CAMKK1: variants seen among roughly 807,000 people sequenced by gnomAD.
CAMKK1 encodes calcium/calmodulin-dependent protein kinase kinase 1.
CAMKK1 carries 20 observed loss-of-function variants against 63.5 expected under a neutral mutation model. The observed-to-expected ratio is 0.32, with a 90% confidence interval of 0.22 to 0.46. The LOEUF (loss-of-function observed/expected upper bound fraction) is 0.46, where lower values mean the gene tolerates loss of function less well. CAMKK1 is among the 20% of genes least tolerant of loss of function. CAMKK1 has a pLI of 1.00. For synonymous variants in CAMKK1, 253 were observed against 269.0 expected (o/e 0.94, Z 0.58); for missense variants, 588 against 658.1 (o/e 0.89, Z 1.17).
chr17:3,880,432 G>T lies in CAMKK1; in HGVS notation c.710C>A (p.Pro237His). 6.2e-7 allele frequency: 1 copy of T among 1,613,278 alleles called. No homozygotes were observed. Residue 237 changes from proline (P) to histidine (H), a missense_variant and splice_region_variant, in exon 9 of 16, where the codon CCC becomes CAC. Around this residue, in one of 3 missense-constraint regions of CAMKK1, gnomAD observed 357 missense variants for 407.4 expected, o/e 0.88. Coordinates refer to ENST00000348335, the MANE Select transcript of CAMKK1 (RefSeq NM_032294.3). ...CTTGTCACAGGGCACTTCCATGACG[G>T]GCCTATGGAGAAGGATGCGGGGAGG... ...YLVFDLLRKG[P>H]VMEVPCDKPF...
Position 3,883,936 on chromosome 17 carries a change from C to T in CAMKK1, c.410G>A (p.Gly137Asp). 6.2e-7 allele frequency: 1 copy of T among 1,613,658 alleles called. No individual in the cohort carries two copies. Among genetic ancestry groups the T allele is most frequent in the Non-Finnish European group, 8.5e-7 (1 of 1,179,926 alleles). The change falls in exon 4 of 16, where the codon GGT becomes GAT. Residue 137 changes from glycine to aspartate, a missense_variant and splice_region_variant. By Grantham distance (94) the Gly-to-Asp change is moderately conservative. This residue lies in a region of CAMKK1 where 357 missense variants were observed against 407.4 expected (regional missense o/e 0.88). Transcript: ENST00000348335. This position sits in a 1 kb window ranked among gnomAD's most constrained non-coding sequence, Gnocchi z 4.7. ...GGCCAGCCTCACCACACCGTAGGCA[C>T]CCTGCAGATAGGCATCAGTCAGCCC... is the stretch of plus-strand genomic sequence containing the variant. ...QYKLQSEIGK[G>D]AYGVVRLAYN...
In CAMKK1 at chr17:3,883,367, C is replaced by T. The variant is rs752316483; in HGVS notation, c.514+62G>A. Reference sequence around the variant, plus strand: ...TTCCTAGCCAAAACTAGCTCAGGATCGAGGTCTCCTCCTCTGCCTCCAGGC... The same window carrying T: ...TTCCTAGCCAAAACTAGCTCAGGATTGAGGTCTCCTCCTCTGCCTCCAGGC... On this transcript the variant is annotated intron_variant, in intron 5 of 15. Coordinates refer to ENST00000348335, the MANE Select transcript of CAMKK1 (RefSeq NM_032294.3). This position sits in a 1 kb window ranked among gnomAD's most constrained non-coding sequence, Gnocchi z 4.7. 9.1e-6 allele frequency: 14 copies of T among 1,539,050 alleles called. No homozygotes were observed. The African/African-American group carries it at 9.5e-5, about 10-fold the overall frequency.
In CAMKK1 at chr17:3,890,007, A is replaced by G. The variant is rs1393527238; in HGVS notation, c.-44+2932T>C. On this transcript the variant is annotated intron_variant, in intron 1 of 15. Coordinates refer to ENST00000348335, the MANE Select transcript of CAMKK1 (RefSeq NM_032294.3). This position sits in a 1 kb window ranked among gnomAD's most constrained non-coding sequence, Gnocchi z 6.5. Reference sequence around the variant, plus strand: ...GCCAAGCCGAGGCAGGGGACCAGCTACATCCAGGCGAGGGGATGGACAGCC... The same window carrying G: ...GCCAAGCCGAGGCAGGGGACCAGCTGCATCCAGGCGAGGGGATGGACAGCC... 1.3e-5 allele frequency among the ~76,000 whole-genome samples: 2 copies of G among 152,230 alleles called. No homozygotes were observed. Among genetic ancestry groups the G allele is most frequent in the South Asian group, 2.1e-4 (1 of 4,836 alleles).
rs373934272 is a variant in CAMKK1, at chr17:3,887,917, G to T, written c.-43-2187C>A. 1.9e-3 allele frequency among the ~76,000 whole-genome samples: 286 copies of T among 152,244 alleles called. No individual in the cohort carries two copies. Among genetic ancestry groups the T allele is most frequent in the Non-Finnish European group, 3.3e-3 (227 of 67,996 alleles). ...CCTTGTTTTTCCCTCCCGAATGTAA[G>T]TTTCATGAGATTAGGACGCTCATCT... On this transcript the variant is annotated intron_variant, in intron 1 of 15. Transcript: ENST00000348335. The surrounding 1 kb of genome is among the most constrained non-coding windows in gnomAD (Gnocchi z 6.1).
At position 3,892,718 on chromosome 17, in the gene CAMKK1, G is replaced by A. The variant is rs1406178315; in HGVS notation, c.-44+221C>T. Among the ~76,000 whole-genome samples the A allele has an allele frequency of 6.6e-6, 1 of 152,164 alleles. No individual in the cohort carries two copies. Among genetic ancestry groups the A allele is most frequent in the Non-Finnish European group, 1.5e-5 (1 of 68,012 alleles). ...GACGGCGGGGCACCCGCGGCGATGC[G>A]GTCCCGGCGGCCGGCGCAGACCCGA... is the stretch of plus-strand genomic sequence containing the variant. On this transcript the variant is annotated intron_variant, in intron 1 of 15. Coordinates refer to ENST00000348335, the MANE Select transcript of CAMKK1 (RefSeq NM_032294.3). This position sits in a 1 kb window ranked among gnomAD's most constrained non-coding sequence, Gnocchi z 7.5.
At position 3,890,539 on chromosome 17, in the gene CAMKK1, T is replaced by C. The variant is rs1462379149; in HGVS notation, c.-44+2400A>G. ...AGGCCCCAGATTCAACTCAGCATCT[T>C]CCCCAAACCTGCTCGTCCTCCTCTG... is the stretch of plus-strand genomic sequence containing the variant. On this transcript the variant is annotated intron_variant, in intron 1 of 15. Transcript: ENST00000348335. The surrounding 1 kb of genome is among the most constrained non-coding windows in gnomAD (Gnocchi z 6.5). 6.6e-6 allele frequency among the ~76,000 whole-genome samples: 1 copy of C among 152,030 alleles called. No homozygotes were observed. The highest frequency in any genetic ancestry group is 6.6e-5 in the Admixed American group (1 of 15,262).
Position 3,883,228 on chromosome 17 carries a change from G to A in CAMKK1, c.515-53C>T, listed in dbSNP as rs1009812914. On this transcript the variant is annotated intron_variant, in intron 5 of 15. Transcript: ENST00000348335. This position sits in a 1 kb window ranked among gnomAD's most constrained non-coding sequence, Gnocchi z 4.7. Reference sequence around the variant, plus strand: ...CTGTTCCAGGTGGCTGGGCCTCACCGTGGCCCCCAAACCAGTCTCAAGCAA... The same window carrying A: ...CTGTTCCAGGTGGCTGGGCCTCACCATGGCCCCCAAACCAGTCTCAAGCAA... The A allele has an allele frequency of 4.4e-5, 70 of 1,600,932 alleles. No individual in the cohort carries two copies. The highest frequency in any genetic ancestry group is 1.6e-4 in the African/African-American group (12 of 74,704).
At chr17:3,870,519 C>T (rs1264291356) in intron 12 of CAMKK1, among the ~76,000 whole-genome samples, 1 of 152,134 alleles carries the variant, frequency 6.6e-6, no homozygotes, top group Non-Finnish European at 1.5e-5. Context: ...GTGCCCGCCA[C>T]CGTGCCCGGC....
chr17:3,862,111 C>A lies in CAMKK1; in HGVS notation c.*100G>T. On this transcript the variant is annotated 3_prime_UTR_variant, in exon 16 of 16. Transcript: ENST00000348335. This position sits in a 1 kb window ranked among gnomAD's most constrained non-coding sequence, Gnocchi z 4.1. ...GAGGGGCGGGAGTGGGGCTGCAGTC[C>A]CCAGCCCCCTGCCTGCGGGGGCGGC... 1 of 966,832 alleles carries A rather than the reference C, an allele frequency of 1.0e-6. No homozygotes were observed. The highest frequency in any genetic ancestry group is 1.6e-6 in the Non-Finnish European group (1 of 634,940). 59.9% of individuals were successfully genotyped at this position (966,832 alleles called of 1,614,324 possible).
At chr17:3,878,047 C>T (rs896653451) in intron 9 of CAMKK1, among the ~76,000 whole-genome samples, 2 of 152,214 alleles carry the variant, frequency 1.3e-5, no homozygotes, top group African/African-American at 4.8e-5. Context: ...CCAAAAACTT[C>T]AGGATCATCC....
rs749404781 is a variant in CAMKK1 at position 3,866,042 on chromosome 17, A to C, written c.1342-31T>G. The stretch of plus-strand genomic sequence containing the variant: ...GAGGACAAGGCAGCGTGAGGAGCAC[A>C]GGTCCCAGGCTCCCAGACACGCAGC... On this transcript the variant is annotated intron_variant, in intron 14 of 15. Coordinates refer to ENST00000348335, the MANE Select transcript of CAMKK1 (RefSeq NM_032294.3). 3 of 1,609,564 alleles carry C rather than the reference A, an allele frequency of 1.9e-6. No individual in the cohort carries two copies. In the South Asian group the frequency reaches 3.3e-5, roughly 18 times the overall value.
intron 12 of CAMKK1, among the ~76,000 whole-genome samples, chr17:3,871,644 C>T (rs1374798727): frequency 6.7e-6 from 1 of 148,674 alleles, no homozygotes; most frequent in Non-Finnish European, 1.5e-5. Context: ...GTGTGAGCCG[C>T]CGCACCCGGC....
chr17:3,865,945 C>T lies in CAMKK1; in HGVS notation c.1408G>A (p.Glu470Lys). 1.2e-6 allele frequency: 2 copies of T among 1,614,210 alleles called. No homozygotes were observed. The highest frequency in any genetic ancestry group is 1.7e-6 in the Non-Finnish European group (2 of 1,180,034). ...GNPFEPQARR[E>K]ERSMSAPGNL... is the part of the protein sequence containing the mutation. ...CCTGGAGCAGACATGGATCGCTCTT[C>T]CCTCCGTGCTTGGGGCTCAAACGGG... The change falls in exon 15 of 16, where the codon GAA becomes AAA. Residue 470 changes from glutamate to lysine, a missense_variant. Glu to Lys is a moderately conservative substitution (Grantham distance 56). This residue lies in a region of CAMKK1 where 226 missense variants were observed against 229.2 expected (regional missense o/e 0.99). Coordinates refer to ENST00000348335, the MANE Select transcript of CAMKK1 (RefSeq NM_032294.3).
chr17:3,876,767 T>G (rs939071583), intron 9 of CAMKK1, among the ~76,000 whole-genome samples: 3 of 110,166 alleles, frequency 2.7e-5, no homozygotes, highest in Non-Finnish European at 5.0e-5. Context: ...GTTTTTTTTT[T>G]TTTTTTTTGA....
Position 3,889,059 on chromosome 17 carries a change from G to A in CAMKK1, c.-43-3329C>T, listed in dbSNP as rs763496067. 6.6e-6 allele frequency among the ~76,000 whole-genome samples: 1 copy of A among 152,136 alleles called. No homozygotes were observed. Among genetic ancestry groups the A allele is most frequent in the Non-Finnish European group, 1.5e-5 (1 of 67,996 alleles). On this transcript the variant is annotated intron_variant, in intron 1 of 15. Transcript: ENST00000348335. This position sits in a 1 kb window ranked among gnomAD's most constrained non-coding sequence, Gnocchi z 5.2. Reference sequence around the variant, plus strand: ...TCCGTGTACCTATGCCCAGGGTAGGGGGGTGGTCCGCGCCCCTGGGGGCCC... The same window carrying A: ...TCCGTGTACCTATGCCCAGGGTAGGAGGGTGGTCCGCGCCCCTGGGGGCCC...
chr17:3,874,760 T>C (rs1417135508), intron 10 of CAMKK1, among the ~76,000 whole-genome samples: 2 of 150,882 alleles, frequency 1.3e-5, no homozygotes, highest in African/African-American at 4.9e-5. Flanking sequence ...CCACCTACCT[T>C]GGCCTCCCAA....
chr17:3,883,854 G>A lies in CAMKK1; in HGVS notation c.462+30C>T, dbSNP rs1281593198. 2 of 1,612,470 alleles carry A rather than the reference G, an allele frequency of 1.2e-6. No homozygotes were observed. Among genetic ancestry groups the A allele is most frequent in the Non-Finnish European group, 1.7e-6 (2 of 1,179,106 alleles). On this transcript the variant is annotated intron_variant, in intron 4 of 15. Coordinates refer to ENST00000348335, the MANE Select transcript of CAMKK1 (RefSeq NM_032294.3). This position sits in a 1 kb window ranked among gnomAD's most constrained non-coding sequence, Gnocchi z 4.7. ...CTCAGGCTTCCAGGGCCTGGCTTGG[G>A]CAACACCTCCCTCGTATCCCCAGAC...
intron 9 of CAMKK1, 144 bp downstream of exon 9, chr17:3,880,202 C>T (rs1597475239): frequency 2.9e-6 from 2 of 680,702 alleles, no homozygotes; most frequent in East Asian, 5.5e-5. Flanking sequence ...GGCCCCGCCA[C>T]ACGTGCATGC....
chr17:3,862,989 G>A lies in CAMKK1; in HGVS notation c.1446-706C>T, dbSNP rs113650454. ...ATCCCCCAGCAGATCTGGGTAGAGA[G>A]GCTTTCATTTTGCATTTTTCTTTGC... On this transcript the variant is annotated intron_variant, in intron 15 of 15. Transcript: ENST00000348335. This position sits in a 1 kb window ranked among gnomAD's most constrained non-coding sequence, Gnocchi z 4.1. Among the ~76,000 whole-genome samples, 136 of 152,296 alleles carry A rather than the reference G, an allele frequency of 8.9e-4. No individual in the cohort carries two copies. The highest frequency in any genetic ancestry group is 3.4e-3 in the Middle Eastern group (1 of 294).
Sources: gnomAD v4.1 joint callset for allele counts (sites outside exome capture counted in the v4.1 genomes callset) on GRCh38, gnomAD v4.1.1 for gene constraint, gnomAD v4.1.1 regional missense constraint, Gnocchi (gnomAD v3.1) non-coding constraint, MANE v1.5 for transcripts, NCBI Gene and HGNC (gene_info 2026-07-23, HGNC 2026-07-21) for gene names.